Variants in GPR107 observed in about 807,000 individuals in gnomAD.
GPR107 encodes the protein protein GPR107.
Under a neutral mutation model 75.5 loss-of-function variants are expected in GPR107, and 31 were observed. The observed-to-expected ratio is 0.41, with a 90% CI of 0.31 to 0.55. The LOEUF is 0.55. Ranked by LOEUF, GPR107 falls within the 20% of genes least tolerant of loss-of-function variation. The pLI is 0.26. For missense variants in GPR107, 572 were observed against 665.7 expected, an observed-to-expected ratio of 0.86 and a Z score of 1.55; for synonymous variants, 267 against 251.3, an observed-to-expected ratio of 1.06 and a Z score of -0.59.
chr9:130,088,330 C>T (rs534287826), intron 7 of GPR107, among the ~76,000 whole-genome samples: 24 of 152,316 alleles, frequency 1.6e-4, no homozygotes, highest in African/African-American at 3.8e-4. Context: ...CTCAGAATTC[C>T]GTAAGTCTTT....
At chr9:130,122,839 A>G (rs1831579278) in intron 14 of GPR107, among the ~76,000 whole-genome samples, 1 of 152,120 alleles carries the variant, frequency 6.6e-6, no homozygotes, top group African/African-American at 2.4e-5. Flanking sequence ...CATCTCTACT[A>G]AAAATACAAA....
chr9:130,098,668 A>T (rs1010408394), intron 9 of GPR107, among the ~76,000 whole-genome samples: 3 of 152,102 alleles, frequency 2.0e-5, no homozygotes, highest in South Asian at 2.1e-4. Context: ...ATTAGAGATT[A>T]CTTTAGGACT....
At chr9:130,134,920 A>G (rs889468850) in intron 17 of GPR107, 105 bp from the exon 18 acceptor site, 2 of 734,312 alleles carry the variant, frequency 2.7e-6, no homozygotes, top group African/African-American at 1.7e-5. Flanking sequence ...GTCTGTTTCA[A>G]AAACCAACAC....
In GPR107 at chr9:130,136,970, G is replaced by A. The variant is rs1554900062; in HGVS notation, c.*1849G>A. 6.6e-6 allele frequency: 1 copy of A among 152,266 alleles called. No individual in the cohort carries two copies. The highest frequency in any genetic ancestry group is 1.5e-5 in the Non-Finnish European group (1 of 68,044). The allele number at this position is 152,266 out of a possible 1,614,324, so 9.4% of individuals were successfully genotyped here. A position where few individuals can be genotyped will look rare whatever the true frequency, so the allele number is the denominator to read the frequency against. ...ACTTGGGACTGTGTGACAGAAGGGAGTTGGAGGGAGGATGGGAATATTTTT... is the reference window on the plus strand; with the variant it reads ...ACTTGGGACTGTGTGACAGAAGGGAATTGGAGGGAGGATGGGAATATTTTT... On this transcript the variant is annotated 3_prime_UTR_variant, in exon 18 of 18. Coordinates refer to ENST00000347136, the MANE Select transcript of GPR107 (RefSeq NM_020960.5).
chr9:130,100,523 A>G, intron 10 of GPR107, 106 bp from the exon 11 acceptor site: 1 of 861,800 alleles, frequency 1.2e-6, no homozygotes, highest in Non-Finnish European at 2.0e-6. Flanking sequence ...CAGCGTCACC[A>G]AATGACAATG....
chr9:130,099,396 C>A, intron 9 of GPR107, 61 bp from the exon 10 acceptor site: 1 of 917,900 alleles, frequency 1.1e-6, no homozygotes, highest in Non-Finnish European at 1.8e-6. Flanking sequence ...ATGTCTGGAG[C>A]TTTGGCTGTC....
At chr9:130,131,385 A>G (rs1831824476) in intron 17 of GPR107, among the ~76,000 whole-genome samples, 1 of 152,022 alleles carries the variant, frequency 6.6e-6, no homozygotes, top group Non-Finnish European at 1.5e-5. Flanking sequence ...ATCTGCCATC[A>G]GGTTTCTTCC....
intron 1 of GPR107, among the ~76,000 whole-genome samples, chr9:130,061,287 TAAAA>T (rs1479884371): frequency 6.6e-6 from 1 of 152,006 alleles, no homozygotes; most frequent in East Asian, 1.9e-4. Context: ...GATGAGAAAA[TAAAA>T]CAGTATTGGA....
chr9:130,119,093 C>T (rs559827685), intron 14 of GPR107, among the ~76,000 whole-genome samples: 122 of 152,298 alleles, frequency 8.0e-4, no homozygotes, highest in Non-Finnish European at 1.4e-3. Flanking sequence ...GTCGGTGTTC[C>T]TAAGTCAGGG....
chr9:130,064,283 C>CT (rs1830012747), intron 1 of GPR107, among the ~76,000 whole-genome samples: 8 of 146,434 alleles, frequency 5.5e-5, no homozygotes, highest in African/African-American at 1.8e-4. Context: ...CTGCAAGCTC[C>CT]GCTTCCCGGG....
chr9:130,097,627 C>T (rs959636364), intron 9 of GPR107, among the ~76,000 whole-genome samples: 5 of 151,728 alleles, frequency 3.3e-5, no homozygotes, highest in East Asian at 1.9e-4. Flanking sequence ...CTTTATTTTG[C>T]GTTTCTCTGA....
intron 3 of GPR107, 37 bp downstream of exon 3, chr9:130,076,499 C>G: frequency 7.6e-7 from 1 of 1,307,384 alleles, no homozygotes; most frequent in Non-Finnish European, 1.1e-6. Flanking sequence ...CATCTCTTCA[C>G]CTGAGCCCAG....
chr9:130,063,252 A>G (rs1381161488), intron 1 of GPR107, among the ~76,000 whole-genome samples: 1 of 151,702 alleles, frequency 6.6e-6, no homozygotes, highest in Non-Finnish European at 1.5e-5. Context: ...GTGCAATGGC[A>G]TGATCTCAGC....
At chr9:130,113,554 T>TA (rs1207346215) in intron 14 of GPR107, among the ~76,000 whole-genome samples, 7 of 152,168 alleles carry the variant, frequency 4.6e-5, no homozygotes, top group African/African-American at 1.7e-4. Context: ...TTATAAGACT[T>TA]ATGATGTAAG....
chr9:130,132,585 G>T (rs1038738111), intron 17 of GPR107, among the ~76,000 whole-genome samples: 3 of 152,168 alleles, frequency 2.0e-5, no homozygotes, highest in African/African-American at 7.2e-5. Context: ...TCAGGAGTTT[G>T]AGACCAGTCT....
intron 7 of GPR107, among the ~76,000 whole-genome samples, chr9:130,089,119 G>A (rs1830675901): frequency 2.0e-5 from 3 of 151,894 alleles, no homozygotes; most frequent in East Asian, 1.9e-4. Context: ...GCAATGAGCC[G>A]AGATCACGCC....
chr9:130,089,024 GGGT>G (rs1477894453), intron 7 of GPR107, among the ~76,000 whole-genome samples: 3 of 151,972 alleles, frequency 2.0e-5, no homozygotes, highest in African/African-American at 7.3e-5. Context: ...AAAATTAGCT[GGGT>G]GTGGTGGTGG....
intron 10 of GPR107, among the ~76,000 whole-genome samples, chr9:130,100,011 G>C (rs1446477793): frequency 1.3e-5 from 2 of 148,858 alleles, no homozygotes; most frequent in African/African-American, 5.0e-5. Flanking sequence ...TCTCCTGCCT[G>C]AGTCTCCCGA....
intron 6 of GPR107, among the ~76,000 whole-genome samples, chr9:130,085,628 A>G (rs1830595067): frequency 6.6e-6 from 1 of 152,148 alleles, no homozygotes; most frequent in Non-Finnish European, 1.5e-5. Flanking sequence ...AGAACTTCAT[A>G]TAACTGAATT....
Sources: gnomAD v4.1 joint callset for allele counts (sites outside exome capture counted in the v4.1 genomes callset) on GRCh38, gnomAD v4.1.1 for gene constraint, MANE v1.5 for transcripts, NCBI Gene and HGNC (gene_info 2026-07-23, HGNC 2026-07-21) for gene names.